The following TRMT11 variants were observed in gnomAD, a reference collection of about 807,000 sequenced individuals.
The protein encoded by TRMT11 is tRNA (guanine(10)-N(2))-methyltransferase TRMT11.
A neutral mutation model predicts 62.8 loss-of-function variants in TRMT11; 53 were observed. The ratio of observed to expected loss-of-function variants is 0.84; its 90% confidence interval spans 0.68 to 1.06. The LOEUF (loss-of-function observed/expected upper bound fraction) is 1.06, where lower values mean the gene tolerates loss of function less well. TRMT11 is among the 50% of genes least tolerant of loss of function. TRMT11 has a pLI of 0.00. For synonymous variants in TRMT11, 188 were observed against 190.3 expected (o/e 0.99, Z 0.10); for missense variants, 556 against 553.4 (o/e 1.00, Z -0.05).
At chr6:126,090,961 A>G (rs1054822890) in intron 17 of TRMT11, among the ~76,000 whole-genome samples, 2 of 152,172 alleles carry the variant, frequency 1.3e-5, no homozygotes, top group African/African-American at 2.4e-5. Context: ...CTGTAATCCC[A>G]GCACTTTGGG....
intron 17 of TRMT11, among the ~76,000 whole-genome samples, chr6:126,093,479 C>A (rs1430517695): frequency 6.7e-6 from 1 of 148,562 alleles, no homozygotes; most frequent in Non-Finnish European, 1.5e-5. Flanking sequence ...CATGTAACTG[C>A]TTTCTTATTA....
At chr6:126,183,560 G>A (rs576552295) in intron 1 of TRMT11, among the ~76,000 whole-genome samples, 1 of 152,086 alleles carries the variant, frequency 6.6e-6, no homozygotes, top group Non-Finnish European at 1.5e-5. Context: ...AAGAGTGGAG[G>A]GCCTTTTAAA....
downstream of TRMT11, among the ~76,000 whole-genome samples, chr6:126,203,800 A>G (rs1778763508): frequency 6.6e-6 from 1 of 152,202 alleles, no homozygotes; most frequent in Admixed American, 6.5e-5. Context: ...ACTACATATT[A>G]AAAATAATAT....
chr6:126,263,815 A>G, the TRMT11 span, among the ~76,000 whole-genome samples: 16 of 152,222 alleles, frequency 1.1e-4, no homozygotes, highest in African/African-American at 3.6e-4. Flanking sequence ...GAAGTTTCTC[A>G]AACCTCAGAA....
intron 1 of TRMT11, among the ~76,000 whole-genome samples, chr6:126,182,133 C>A (rs1439419950): frequency 6.6e-6 from 1 of 152,086 alleles, no homozygotes; most frequent in Admixed American, 6.6e-5. Context: ...TACGTATTAA[C>A]ATAAACTCTA....
intron 7 of TRMT11, among the ~76,000 whole-genome samples, chr6:126,002,268 C>A (rs866662108): frequency 6.6e-6 from 1 of 152,178 alleles, no homozygotes; most frequent in Non-Finnish European, 1.5e-5. Flanking sequence ...TGCACATACA[C>A]ATGCATATAC....
At chr6:126,162,473 T>C (rs1778202693) in intron 21 of TRMT11, among the ~76,000 whole-genome samples, 1 of 152,226 alleles carries the variant, frequency 6.6e-6, no homozygotes, top group South Asian at 2.1e-4. Flanking sequence ...AGCCTTGTAG[T>C]ATAGTTTGAA....
At chr6:126,085,493 A>C (rs977066000) in intron 17 of TRMT11, among the ~76,000 whole-genome samples, 19 of 152,164 alleles carry the variant, frequency 1.2e-4, no homozygotes, top group Admixed American at 1.3e-4. Flanking sequence ...AATGTTTGCT[A>C]TGTGAGGTGG....
chr6:126,039,643 AC>A (rs1775806459), downstream of TRMT11, among the ~76,000 whole-genome samples: 1 of 152,068 alleles, frequency 6.6e-6, no homozygotes, highest in Non-Finnish European at 1.5e-5. Flanking sequence ...TGAAGGAGAA[AC>A]TTTGCTGAGT....
At chr6:126,092,293 G>A (rs1228433836) in intron 17 of TRMT11, among the ~76,000 whole-genome samples, 1,589 of 152,256 alleles carry the variant, frequency 0.01, 22 homozygotes, top group African/African-American at 0.036. Flanking sequence ...AGAAAAAGAT[G>A]TTTAATGGAC....
intron 17 of TRMT11, among the ~76,000 whole-genome samples, chr6:126,099,666 G>T (rs1040692275): frequency 6.6e-6 from 1 of 152,230 alleles, no homozygotes. Flanking sequence ...AGAATCACTT[G>T]TACAGGGGAG....
intron 16 of TRMT11, among the ~76,000 whole-genome samples, chr6:126,050,355 A>C (rs988360687): frequency 2.0e-5 from 3 of 151,332 alleles, no homozygotes; most frequent in Non-Finnish European, 4.4e-5. Flanking sequence ...AAAAATAGAC[A>C]ATAGAAAGTT....
intron 12 of TRMT11, among the ~76,000 whole-genome samples, chr6:126,029,639 G>T (rs1374053852): frequency 2.0e-5 from 3 of 152,162 alleles, no homozygotes; most frequent in Non-Finnish European, 4.4e-5. Flanking sequence ...ATATGTGCAT[G>T]CCTGCACATG....
chr6:126,137,036 A>C (rs1583885838), intron 21 of TRMT11, among the ~76,000 whole-genome samples: 1 of 151,718 alleles, frequency 6.6e-6, no homozygotes, highest in East Asian at 1.9e-4. Flanking sequence ...CTATAAAACT[A>C]GTAGAAAACA....
the TRMT11 span, among the ~76,000 whole-genome samples, chr6:126,235,201 C>T: frequency 6.6e-6 from 1 of 152,070 alleles, no homozygotes. Flanking sequence ...AGTCAAAAAA[C>T]AACAGATGCT....
At chr6:126,028,458 A>C (rs1284467979) in intron 12 of TRMT11, among the ~76,000 whole-genome samples, 1 of 152,144 alleles carries the variant, frequency 6.6e-6, no homozygotes, top group Non-Finnish European at 1.5e-5. Context: ...ACCAATTTGC[A>C]TTATTTATAA....
At chr6:126,033,616 T>C (rs2128054344) in intron 12 of TRMT11, among the ~76,000 whole-genome samples, 1 of 152,188 alleles carries the variant, frequency 6.6e-6, no homozygotes, top group Admixed American at 6.5e-5. Flanking sequence ...TGAAATGGTG[T>C]GAATAAATGC....
At chr6:126,018,424 CAA>C (rs1442463096) in intron 11 of TRMT11, among the ~76,000 whole-genome samples, 1 of 151,646 alleles carries the variant, frequency 6.6e-6, no homozygotes, top group Non-Finnish European at 1.5e-5. Flanking sequence ...GAGTGACAGT[CAA>C]AATTGATTCG....
intron 7 of TRMT11, among the ~76,000 whole-genome samples, chr6:126,002,198 C>A (rs887108841): frequency 6.6e-6 from 1 of 152,138 alleles, no homozygotes; most frequent in Non-Finnish European, 1.5e-5. Flanking sequence ...CATATATACA[C>A]AATATGCATG....
Sources: allele counts gnomAD v4.1 joint callset (sites outside exome capture counted in the v4.1 genomes callset), GRCh38; gene constraint gnomAD v4.1.1; transcripts MANE v1.5; gene names NCBI Gene and HGNC (gene_info 2026-07-23, HGNC 2026-07-21).